Variants in TMEM132D observed in about 807,000 individuals in gnomAD.
TMEM132D encodes transmembrane protein 132D.
TMEM132D carries 21 observed loss-of-function variants against 62.3 expected under a neutral mutation model. That is an observed-to-expected ratio of 0.34 (90% CI 0.24 to 0.49). TMEM132D has a LOEUF of 0.49. Among genes scored for constraint, TMEM132D ranks in the 20% least tolerant of loss-of-function variants. The pLI is 0.99. For synonymous variants in TMEM132D, 621 were observed against 575.6 expected, an observed-to-expected ratio of 1.08 and a Z score of -1.13; for missense variants, 1,346 against 1,402.8, an observed-to-expected ratio of 0.96 and a Z score of 0.65.
chr12:129,293,891 G>C (rs915255484), intron 4 of TMEM132D, among the ~76,000 whole-genome samples: 1 of 152,092 alleles, frequency 6.6e-6, no homozygotes, highest in African/African-American at 2.4e-5. Flanking sequence ...GACCAATACT[G>C]GTCCATAGCC....
chr12:129,287,131 C>T (rs1881324002), intron 4 of TMEM132D, among the ~76,000 whole-genome samples: 1 of 151,630 alleles, frequency 6.6e-6, no homozygotes, highest in Non-Finnish European at 1.5e-5. Context: ...ATGTGATAAG[C>T]CAGGACCTCT....
intron 1 of TMEM132D, among the ~76,000 whole-genome samples, chr12:129,776,460 T>TTA (rs56399224): frequency 0.69 from 104,734 of 151,806 alleles, 38,135 homozygotes; most frequent in Middle Eastern, 0.87. Context: ...TCACCCACCC[T>TTA]TACCCCAATT....
chr12:129,141,528 G>C (rs149629182), intron 5 of TMEM132D, among the ~76,000 whole-genome samples: 2 of 152,184 alleles, frequency 1.3e-5, no homozygotes, highest in African/African-American at 4.8e-5. Context: ...GTCCAGGAAG[G>C]TTCCTTGGGG....
intron 5 of TMEM132D, among the ~76,000 whole-genome samples, chr12:129,203,124 T>C (rs1000875149): frequency 6.6e-6 from 1 of 152,168 alleles, no homozygotes; most frequent in Non-Finnish European, 1.5e-5. Flanking sequence ...TCGCTGAGTG[T>C]CAGCCAACTA....
intron 1 of TMEM132D, among the ~76,000 whole-genome samples, chr12:129,756,192 G>A (rs1412258909): frequency 3.9e-5 from 6 of 152,066 alleles, no homozygotes; most frequent in East Asian, 3.9e-4. Context: ...TGTAGGTTCC[G>A]GGGGTCTTCT....
chr12:129,417,532 C>T (rs1872162862), intron 3 of TMEM132D, among the ~76,000 whole-genome samples: 1 of 152,160 alleles, frequency 6.6e-6, no homozygotes, highest in Non-Finnish European at 1.5e-5. Context: ...CTTCCTTACA[C>T]CTTATACAAA....
intron 2 of TMEM132D, among the ~76,000 whole-genome samples, chr12:129,540,115 A>G (rs1412314910): frequency 6.6e-6 from 1 of 152,092 alleles, no homozygotes; most frequent in East Asian, 1.9e-4. Context: ...ATGGCTTTTA[A>G]AAACCATCTT....
intron 3 of TMEM132D, among the ~76,000 whole-genome samples, chr12:129,354,741 T>TA (rs1870882702): frequency 1.3e-5 from 2 of 152,130 alleles, no homozygotes; most frequent in African/African-American, 2.4e-5. Context: ...AGTTTCCAGG[T>TA]AAAAAATCTA....
chr12:129,755,807 G>A (rs74734431), intron 1 of TMEM132D, among the ~76,000 whole-genome samples: 4,160 of 152,216 alleles, frequency 0.027, 185 homozygotes, highest in African/African-American at 0.093. Flanking sequence ...CCCAAGCACC[G>A]GTAAAACCTA....
At position 129,808,956 on chromosome 12, in the gene TMEM132D, T is replaced by C. The variant is rs111632845; in HGVS notation, c.79+94305A>G. On this transcript the variant is annotated intron_variant, in intron 1 of 8. Transcript: ENST00000422113. Reference sequence around the variant, plus strand: ...GATAGAATAAACTTTTGGACTGCAATGTGGTAATGTTATTTTAAAAGAATA... The same window carrying C: ...GATAGAATAAACTTTTGGACTGCAACGTGGTAATGTTATTTTAAAAGAATA... Among the ~76,000 whole-genome samples the C allele has an allele frequency of 3.5e-3, 530 of 152,306 alleles. 5 individuals carry two copies. The highest frequency in any genetic ancestry group is 0.012 in the African/African-American group (491 of 41,574).
intron 3 of TMEM132D, among the ~76,000 whole-genome samples, chr12:129,425,869 C>T (rs367965556): frequency 9.1e-4 from 139 of 152,326 alleles, no homozygotes; most frequent in African/African-American, 3.1e-3. Flanking sequence ...GACTTCCCAA[C>T]GCCACATAGG....
intron 2 of TMEM132D, among the ~76,000 whole-genome samples, chr12:129,553,968 G>A (rs150588243): frequency 5.7e-4 from 86 of 152,170 alleles, no homozygotes; most frequent in African/African-American, 2.0e-3. Flanking sequence ...TTTCTTTCCG[G>A]GTCTCTCCAC....
chr12:129,447,245 TC>T (rs907309001), intron 3 of TMEM132D, among the ~76,000 whole-genome samples: 2 of 152,176 alleles, frequency 1.3e-5, no homozygotes, highest in African/African-American at 4.8e-5. Context: ...CATTTCTATC[TC>T]AGGAAATTGT....
intron 2 of TMEM132D, among the ~76,000 whole-genome samples, chr12:129,606,957 T>C (rs541164641): frequency 2.0e-5 from 3 of 152,312 alleles, no homozygotes; most frequent in Admixed American, 2.0e-4. Context: ...CCAACGAACA[T>C]TTATTATGCT....
intron 1 of TMEM132D, among the ~76,000 whole-genome samples, chr12:129,880,135 C>A (rs1874545884): frequency 6.6e-6 from 1 of 151,884 alleles, no homozygotes. Context: ...AGACACATTA[C>A]ACACAAAACA....
At chr12:129,727,932 T>C (rs1565964184) in intron 1 of TMEM132D, among the ~76,000 whole-genome samples, 3 of 152,344 alleles carry the variant, frequency 2.0e-5, no homozygotes, top group South Asian at 4.1e-4. Flanking sequence ...ACAATCTCCC[T>C]ACCCTCCCAC....
intron 1 of TMEM132D, among the ~76,000 whole-genome samples, chr12:129,722,299 G>A (rs1162040099): frequency 6.6e-6 from 1 of 151,984 alleles, no homozygotes; most frequent in Non-Finnish European, 1.5e-5. Flanking sequence ...CTGGCTCGTG[G>A]CTGTGCCTCT....
chr12:129,774,448 T>C (rs1257779429), intron 1 of TMEM132D, among the ~76,000 whole-genome samples: 2 of 152,148 alleles, frequency 1.3e-5, no homozygotes, highest in Non-Finnish European at 2.9e-5. Context: ...GGCTGCTGCC[T>C]AGATCGGGTG....
In TMEM132D at chr12:129,801,816, G is replaced by A. The variant is rs1208977668; in HGVS notation, c.80-101118C>T. Among the ~76,000 whole-genome samples the A allele has an allele frequency of 5.4e-5, 8 of 148,592 alleles. No individual in the cohort carries two copies. The East Asian group carries it at 1.6e-3, about 30-fold the overall frequency. On this transcript the variant is annotated intron_variant, in intron 1 of 8. Coordinates refer to ENST00000422113, the MANE Select transcript of TMEM132D (RefSeq NM_133448.3). ...AAAAATTTAGAAGAATGTATAACTA[G>A]AATAACCAATACAGAGAAGTGCTTA...
Sources: gnomAD v4.1 joint callset for allele counts (sites outside exome capture counted in the v4.1 genomes callset) on GRCh38, gnomAD v4.1.1 for gene constraint, MANE v1.5 for transcripts, NCBI Gene and HGNC (gene_info 2026-07-23, HGNC 2026-07-21) for gene names.